SLX4: variants seen among roughly 807,000 people sequenced by gnomAD.
SLX4 encodes the protein structure-specific endonuclease subunit SLX4.
In SLX4, 112 loss-of-function variants were observed where a neutral mutation model predicts 146.2. The observed-to-expected ratio is 0.77, with a 90% CI of 0.66 to 0.90. The LOEUF (loss-of-function observed/expected upper bound fraction) is 0.90. Ranked by LOEUF, SLX4 falls within the 40% of genes least tolerant of loss-of-function variation. The pLI, the probability that SLX4 is intolerant of heterozygous loss-of-function variation, is 0.00. For missense variants in SLX4, 2,563 were observed against 2,392.7 expected, an observed-to-expected ratio of 1.07 and a Z score of -1.49; for synonymous variants, 1,061 against 997.7, an observed-to-expected ratio of 1.06 and a Z score of -1.20.
At chr16:3,598,854 T>C (rs2040696739) in intron 5 of SLX4, among the ~76,000 whole-genome samples, 2 of 152,152 alleles carry the variant, frequency 1.3e-5, no homozygotes, top group Non-Finnish European at 1.5e-5. Context: ...ACAGACTGTG[T>C]TCCCTCCTCA....
intron 11 of SLX4, 121 bp downstream of exon 11, chr16:3,592,578 T>A: frequency 8.5e-7 from 1 of 1,182,686 alleles, no homozygotes; most frequent in Non-Finnish European, 1.2e-6. Context: ...GATTAAAAGG[T>A]ATAAACAGGA....
At chr16:3,602,375 CTG>C in intron 3 of SLX4, 68 bp from the exon 4 acceptor site, 4 of 1,568,024 alleles carry the variant, frequency 2.6e-6, no homozygotes, top group Non-Finnish European at 3.5e-6. Flanking sequence ...GACCTCTGCT[CTG>C]TCAGCTCCTG....
chr16:3,589,970 G>C lies in SLX4; in HGVS notation c.3668C>G (p.Pro1223Arg), dbSNP rs376133540. The stretch of plus-strand genomic sequence containing the variant: ...CCTGCCCAAAGAGCCCCGATTCTCC[G>C]GCAGCGCCCCCTCATCCTCCTGCTG... ...VLQQEDEGAL[P>R]ENRGSLGRRG... Residue 1223 changes from proline (P) to arginine (R), a missense_variant, in exon 12 of 15, where the codon CCG (proline) becomes CGG (arginine). By Grantham distance (103) the Pro-to-Arg change is moderately radical (BLOSUM62 -2). Coordinates refer to ENST00000294008, the MANE Select transcript of SLX4 (RefSeq NM_032444.4). This position sits in a 1 kb window ranked among gnomAD's most constrained non-coding sequence, Gnocchi z 6.2. 3.1e-6 allele frequency: 5 copies of C among 1,613,830 alleles called. No individual in the cohort carries two copies. In the South Asian group the frequency reaches 5.5e-5, roughly 18 times the overall value.
chr16:3,582,144 C>T lies in SLX4; in HGVS notation c.*198G>A, dbSNP rs894869909. ...TCCAGTGGGTGACATGCTCCAAATG[C>T]CACCCTAGAAAGCAGAGCCCAGAGG... On this transcript the variant is annotated 3_prime_UTR_variant, in exon 15 of 15. Transcript: ENST00000294008. 5.0e-6 allele frequency: 3 copies of T among 601,132 alleles called. No individual in the cohort carries two copies. The highest frequency in any genetic ancestry group is 5.9e-6 in the Non-Finnish European group (2 of 338,094). 37.2% of individuals were successfully genotyped at this position (601,132 alleles called of 1,614,324 possible). A position where few individuals can be genotyped will look rare whatever the true frequency, so the allele number is the denominator to read the frequency against.
At chr16:3,585,444 G>A (rs1468762818) in intron 12 of SLX4, among the ~76,000 whole-genome samples, 1 of 151,972 alleles carries the variant, frequency 6.6e-6, no homozygotes, top group Non-Finnish European at 1.5e-5. Context: ...AAATTAGCTG[G>A]GCGTGGTGGC....
Position 3,591,043 on chromosome 16 carries a change from G to A in SLX4, c.2595C>T (p.Leu865=). The change falls in exon 12 of 15, where the codon CTC becomes CTT. Residue 865 remains leucine, a synonymous_variant. Transcript: ENST00000294008. ...YEFAATQRKL[L]QEERAAGAGE... is the part of the protein sequence containing the mutation. Reference sequence around the variant, plus strand: ...CGGCACCCGCTGCCCTTTCTTCCTGGAGAAGCTTTCGCTGAGTAGCTGCAA... The same window carrying A: ...CGGCACCCGCTGCCCTTTCTTCCTGAAGAAGCTTTCGCTGAGTAGCTGCAA... 1 of 1,614,134 alleles carries A rather than the reference G, an allele frequency of 6.2e-7. No homozygotes were observed. Among genetic ancestry groups the A allele is most frequent in the East Asian group, 2.2e-5 (1 of 44,878 alleles).
rs139377113 is a variant in SLX4 at position 3,589,303 on chromosome 16, C to G, written c.4335G>C (p.Arg1445=). The change falls in exon 12 of 15, where the codon CGG becomes CGC. Residue 1445 remains arginine, a synonymous_variant. Coordinates refer to ENST00000294008, the MANE Select transcript of SLX4 (RefSeq NM_032444.4). The surrounding 1 kb of genome is among the most constrained non-coding windows in gnomAD (Gnocchi z 6.2). The part of the protein sequence containing the change: ...PIPIDHWNLE[R]TGPLSTSSPS... Reference sequence around the variant, plus strand: ...GGCTGCTGGTGCTCAGGGGGCCGGTCCGCTCCAGGTTCCAGTGGTCAATGG... The same window carrying G: ...GGCTGCTGGTGCTCAGGGGGCCGGTGCGCTCCAGGTTCCAGTGGTCAATGG... 168 of 1,583,814 alleles carry G rather than the reference C, an allele frequency of 1.1e-4. No individual in the cohort carries two copies. Among genetic ancestry groups the G allele is most frequent in the Non-Finnish European group, 1.4e-4 (164 of 1,164,168 alleles).
Position 3,583,271 on chromosome 16 carries a change from G to A in SLX4, c.4979C>T (p.Ala1660Val). 1 of 1,614,194 alleles carries A rather than the reference G, an allele frequency of 6.2e-7. No individual in the cohort carries two copies. Residue 1660 changes from alanine (A) to valine (V), a missense_variant, in exon 14 of 15, where the codon GCT becomes GTT. By Grantham distance (64) the Ala-to-Val change is moderately conservative. Transcript: ENST00000294008. ...TTGATGTCGGGGGCCCTTGGTCTTA[G>A]CAGGTCCCTTGGGCCTATGGGCCCC... ...GPGAHRPKGP[A>V]KTKGPRHQRK... is the part of the protein sequence containing the mutation.
In SLX4 at chr16:3,599,302, G is replaced by A. The variant is rs530512167; in HGVS notation, c.1164-1303C>T. On this transcript the variant is annotated intron_variant, in intron 5 of 14. Coordinates refer to ENST00000294008, the MANE Select transcript of SLX4 (RefSeq NM_032444.4). Reference sequence around the variant, plus strand: ...GCAGGGGGCGGGACAAACAGCTATCGCCTTTGGCCTTCCCTTTGCTCCTGA... The same window carrying A: ...GCAGGGGGCGGGACAAACAGCTATCACCTTTGGCCTTCCCTTTGCTCCTGA... Among the ~76,000 whole-genome samples the A allele has an allele frequency of 2.5e-4, 38 of 152,270 alleles. 1 individual carries two copies. The highest frequency in any genetic ancestry group is 7.7e-4 in the East Asian group (4 of 5,172).
rs2040437701 is a variant in SLX4 at position 3,581,738 on chromosome 16, CTT to C, written c.*602_*603del. 6.3e-6 allele frequency: 1 copy of C among 158,486 alleles called. No individual in the cohort carries two copies. The highest frequency in any genetic ancestry group is 1.9e-4 in the South Asian group (1 of 5,244). 9.8% of individuals were successfully genotyped at this position (158,486 alleles called of 1,614,324 possible). On this transcript the variant is annotated 3_prime_UTR_variant, in exon 15 of 15. Coordinates refer to ENST00000294008, the MANE Select transcript of SLX4 (RefSeq NM_032444.4). ...GCCCCCTGGGACAGCTGAGGGCCCT[CTT>C]GGGTTAAGGGAGACACACTGGGCCG...
At position 3,594,469 on chromosome 16, in the gene SLX4, G is replaced by A. The variant is rs749399683; in HGVS notation, c.2144C>T (p.Pro715Leu). 79 of 1,613,524 alleles carry A rather than the reference G, an allele frequency of 4.9e-5. 1 individual carries two copies. In the South Asian group the frequency reaches 5.6e-4, roughly 11 times the overall value. ...AHKFVLYARCPLLIQYVNNEG... is the reference protein window; with the variant it reads ...AHKFVLYARCLLLIQYVNNEG... ...CGTACTTACATACTGGATGAGGAGC[G>A]GGCATCGGGCATAAAGCACGAACTT... The change falls in exon 10 of 15, where the codon CCG (proline) becomes CTG (leucine). Residue 715 changes from proline to leucine, a missense_variant. Physicochemically the swap from Pro to Leu is moderately conservative, Grantham distance 98. Transcript: ENST00000294008.
chr16:3,594,676 T>A, intron 9 of SLX4, 77 bp from the exon 10 acceptor site: 1 of 1,601,374 alleles, frequency 6.2e-7, no homozygotes, highest in South Asian at 1.1e-5. Flanking sequence ...GCTCCCCGCA[T>A]GGAGGTGGCG....
chr16:3,604,089 G>A (rs754701474), intron 3 of SLX4, among the ~76,000 whole-genome samples: 6 of 151,814 alleles, frequency 4.0e-5, no homozygotes, highest in African/African-American at 9.7e-5. Flanking sequence ...AAAATTAGCC[G>A]GGTGTGGTGG....
intron 11 of SLX4, among the ~76,000 whole-genome samples, chr16:3,591,712 C>T (rs774396737): frequency 2.6e-5 from 4 of 152,112 alleles, no homozygotes; most frequent in African/African-American, 4.8e-5. Flanking sequence ...TCACTCAAGG[C>T]CGGGAGTTTG....
rs375108717 is a variant in SLX4 at position 3,589,541 on chromosome 16, C to T, written c.4097G>A (p.Arg1366His). The T allele has an allele frequency of 1.4e-5, 22 of 1,610,444 alleles. 1 individual carries two copies. Among genetic ancestry groups the T allele is most frequent in the African/African-American group, 1.1e-4 (8 of 74,976 alleles). The change falls in exon 12 of 15, where the codon CGC becomes CAC. Residue 1366 changes from arginine to histidine, a missense_variant. Transcript: ENST00000294008. The surrounding 1 kb of genome is among the most constrained non-coding windows in gnomAD (Gnocchi z 6.2). Reference protein sequence around the residue: ...PLAPHPISGDRAHFSRRFLKH... With the variant: ...PLAPHPISGDHAHFSRRFLKH... ...CAGGAACCGCCTGCTGAAGTGGGCG[C>T]GGTCCCCTGAGATGGGATGTGGAGC...
Position 3,597,867 on chromosome 16 carries a change from C to T in SLX4, c.1296G>A (p.Met432Ile), listed in dbSNP as rs530413235. The T allele has an allele frequency of 1.9e-6, 3 of 1,614,152 alleles. No individual in the cohort carries two copies. Among genetic ancestry groups the T allele is most frequent in the African/African-American group, 1.3e-5 (1 of 75,054 alleles). The stretch of plus-strand genomic sequence containing the variant: ...GCGCTGGTACAGCCGCACCCGGCTC[C>T]ATCTCCGACCGGGACAGAGCCATGG... ...LVAMALSRSE[M>I]EPGAAVPALR... The change falls in exon 6 of 15, where the codon ATG becomes ATA. Residue 432 changes from methionine (M) to isoleucine (I), a missense_variant. Coordinates refer to ENST00000294008, the MANE Select transcript of SLX4 (RefSeq NM_032444.4). The surrounding 1 kb of genome is among the most constrained non-coding windows in gnomAD (Gnocchi z 4.4).
intron 13 of SLX4, among the ~76,000 whole-genome samples, 168 bp from the exon 14 acceptor site, chr16:3,583,678 C>T (rs112354421): frequency 2.6e-5 from 4 of 152,310 alleles, no homozygotes; most frequent in African/African-American, 9.6e-5. Flanking sequence ...CTATTCTAGG[C>T]GCCAACTAAG....
chr16:3,608,466 C>T lies in SLX4; in HGVS notation c.499G>A (p.Glu167Lys), dbSNP rs151018140. Residue 167 changes from glutamate to lysine, a missense_variant, in exon 2 of 15, where the codon GAA becomes AAA. Glu to Lys is a moderately conservative substitution (Grantham distance 56). Transcript: ENST00000294008. ...AQNTQTGNQQEPSPNLSREKT... is the reference protein window; with the variant it reads ...AQNTQTGNQQKPSPNLSREKT... ...TCTCTGGAAAGGTTTGGCGATGGTT[C>T]TTGCTGGTTACCCGTCTGGGTGTTT... The T allele has an allele frequency of 4.0e-5, 65 of 1,614,088 alleles. No homozygotes were observed. The highest frequency in any genetic ancestry group is 5.0e-5 in the Admixed American group (3 of 60,006).
At chr16:3,604,403 G>C (rs1596531777) in intron 3 of SLX4, among the ~76,000 whole-genome samples, 1 of 152,144 alleles carries the variant, frequency 6.6e-6, no homozygotes. Flanking sequence ...GGAAATTTGA[G>C]TTTGAACTGG....
Sources: allele counts gnomAD v4.1 joint callset (sites outside exome capture counted in the v4.1 genomes callset), GRCh38; gene constraint gnomAD v4.1.1; non-coding constraint Gnocchi (gnomAD v3.1); transcripts MANE v1.5; gene names NCBI Gene and HGNC (gene_info 2026-07-23, HGNC 2026-07-21).